Variants in ZNF532 observed in about 807,000 individuals in gnomAD.
ZNF532 encodes zinc finger protein 532.
ZNF532 carries 22 observed loss-of-function variants against 89.3 expected under a neutral mutation model. That is an observed-to-expected ratio of 0.25 (90% CI 0.18 to 0.35). The LOEUF (loss-of-function observed/expected upper bound fraction) is 0.35, where lower values mean the gene tolerates loss of function less well. Ranked by LOEUF, ZNF532 falls within the 10% of genes least tolerant of loss-of-function variation. ZNF532 has a pLI of 1.00. For synonymous variants in ZNF532, 606 were observed against 649.6 expected, an observed-to-expected ratio of 0.93 and a Z score of 1.02; for missense variants, 1,132 against 1,643.4, an observed-to-expected ratio of 0.69 and a Z score of 5.38.
chr18:58,911,303 A>G (rs768221496), intron 2 of ZNF532, among the ~76,000 whole-genome samples: 3 of 152,254 alleles, frequency 2.0e-5, no homozygotes, highest in Non-Finnish European at 4.4e-5. Flanking sequence ...GCCAGCATGA[A>G]GGTACAGGCA....
chr18:58,916,656 A>G, intron 2 of ZNF532: 1 of 969,390 alleles, frequency 1.0e-6, no homozygotes, highest in South Asian at 4.8e-5. Flanking sequence ...TCGAACCCTA[A>G]GTGTTGATTT....
At chr18:58,906,830 G>C (rs1170657641) in intron 2 of ZNF532, among the ~76,000 whole-genome samples, 1 of 152,140 alleles carries the variant, frequency 6.6e-6, no homozygotes, top group Non-Finnish European at 1.5e-5. Context: ...GTAGGAATCT[G>C]GCTGTAAAGA....
chr18:58,920,582 C>T lies in ZNF532; in HGVS notation c.2295C>T (p.Asp765=), dbSNP rs754651963. 61 of 1,606,100 alleles carry T rather than the reference C, an allele frequency of 3.8e-5. No homozygotes were observed. Among genetic ancestry groups the T allele is most frequent in the Middle Eastern group, 1.7e-4 (1 of 6,046 alleles). ...KCLECNEVFQ[D]ETSLATHFQQ... is the part of the protein sequence containing the mutation. ...TGGAGTGTAATGAAGTCTTCCAGGACGAGACATCACTGGCTACACATTTCC... is the reference window on the plus strand; with the variant it reads ...TGGAGTGTAATGAAGTCTTCCAGGATGAGACATCACTGGCTACACATTTCC... Residue 765 remains aspartate (D), a synonymous_variant, in exon 3 of 10, where the codon GAC becomes GAT. Coordinates refer to ENST00000591808, the MANE Select transcript of ZNF532 (RefSeq NM_001375912.1).
intron 7 of ZNF532, among the ~76,000 whole-genome samples, chr18:58,972,919 T>C (rs1024634660): frequency 2.0e-5 from 3 of 152,214 alleles, no homozygotes; most frequent in Non-Finnish European, 4.4e-5. Flanking sequence ...CCACAGTATT[T>C]ACTGTTTTCT....
chr18:58,973,065 T>C (rs1006648266), intron 7 of ZNF532, among the ~76,000 whole-genome samples: 1 of 152,208 alleles, frequency 6.6e-6, no homozygotes, highest in Non-Finnish European at 1.5e-5. Context: ...AGAAAGAGGC[T>C]TACTGTAAGT....
chr18:58,925,556 C>T (rs2061456126), intron 3 of ZNF532, among the ~76,000 whole-genome samples: 2 of 152,158 alleles, frequency 1.3e-5, no homozygotes, highest in South Asian at 4.1e-4. Flanking sequence ...AGTGTTTTCG[C>T]CCAGTCTATA....
chr18:58,905,395 T>C (rs1409334058), intron 2 of ZNF532, among the ~76,000 whole-genome samples: 1 of 142,672 alleles, frequency 7.0e-6, no homozygotes, highest in Non-Finnish European at 1.5e-5. Context: ...CTCCATTTTT[T>C]TTTCTTTCTT....
chr18:58,891,280 A>C (rs963153935), intron 2 of ZNF532, among the ~76,000 whole-genome samples: 6 of 152,216 alleles, frequency 3.9e-5, no homozygotes, highest in Admixed American at 3.9e-4. Flanking sequence ...CTGTAATCCC[A>C]GCACTTTCGG....
At chr18:58,909,512 CAAAAG>C (rs1322072695) in intron 2 of ZNF532, among the ~76,000 whole-genome samples, 4 of 151,974 alleles carry the variant, frequency 2.6e-5, no homozygotes, top group Admixed American at 6.6e-5. Flanking sequence ...AGGTAGATAA[CAAAAG>C]AGAATCTGAA....
At chr18:58,864,521 T>A (rs2056267751), upstream of ZNF532, 1 of 143,610 alleles carries the variant, frequency 7.0e-6, no homozygotes, top group Non-Finnish European at 1.5e-5. Context: ...CTGAGCCAGG[T>A]TGTGGGAGGT....
At chr18:58,880,602 T>C (rs2057800034) in intron 2 of ZNF532, among the ~76,000 whole-genome samples, 1 of 152,234 alleles carries the variant, frequency 6.6e-6, no homozygotes, top group Non-Finnish European at 1.5e-5. Context: ...ATTAGCTCCA[T>C]AAATGCATAG....
chr18:58,974,777 C>G (rs957075865), intron 7 of ZNF532, among the ~76,000 whole-genome samples: 3 of 152,322 alleles, frequency 2.0e-5, no homozygotes, highest in Admixed American at 1.3e-4. Flanking sequence ...CCCTCCTTCC[C>G]CCACTTCACA....
intron 2 of ZNF532, among the ~76,000 whole-genome samples, chr18:58,908,992 C>T (rs1245461421): frequency 6.6e-6 from 1 of 152,070 alleles, no homozygotes; most frequent in African/African-American, 2.4e-5. Flanking sequence ...TCGCTCTTGT[C>T]CCCCAGGCTG....
In ZNF532 at chr18:58,984,505, GAATA is replaced by G; in HGVS notation, c.*42_*45del. On this transcript the variant is annotated 3_prime_UTR_variant, in exon 10 of 10. Coordinates refer to ENST00000591808, the MANE Select transcript of ZNF532 (RefSeq NM_001375912.1). ...ATGAGGAAAATCCCTGTCCACATTG[GAATA>G]AAAAAGACATTTTTGTTACAAAGTT... 6.4e-7 allele frequency: 1 copy of G among 1,570,956 alleles called. No individual in the cohort carries two copies. The highest frequency in any genetic ancestry group is 8.6e-7 in the Non-Finnish European group (1 of 1,161,200).
intron 8 of ZNF532, chr18:58,980,323 G>C (rs554885043): frequency 6.6e-6 from 1 of 152,340 alleles, no homozygotes; most frequent in African/African-American, 2.4e-5. Flanking sequence ...GGCCCATAAT[G>C]CTTCACTGAT....
At chr18:58,954,660 A>G (rs2064564373) in intron 7 of ZNF532, among the ~76,000 whole-genome samples, 1 of 133,324 alleles carries the variant, frequency 7.5e-6, no homozygotes, top group African/African-American at 2.9e-5. Flanking sequence ...GGTAATTGAT[A>G]CTTTTTTTTT....
At chr18:58,882,793 A>C (rs2058026623) in intron 2 of ZNF532, among the ~76,000 whole-genome samples, 1 of 152,194 alleles carries the variant, frequency 6.6e-6, no homozygotes, top group Non-Finnish European at 1.5e-5. Context: ...TGTCCCAGAG[A>C]TATCTCATCC....
In ZNF532 at chr18:58,984,044, C is replaced by T; in HGVS notation, c.3484C>T (p.Pro1162Ser). ...FRPPRGAITQ[P>S]LKKLKINVFK... ...GCCTCCCCGAGGAGCAATCACTCAA[C>T]CACTGAAAAAGCTGAAAATCAATGT... Residue 1162 changes from proline (P) to serine (S), a missense_variant, in exon 10 of 10, where the codon CCA (proline) becomes TCA (serine). This residue lies in a region of ZNF532 where 415 missense variants were observed against 604.8 expected (regional missense o/e 0.69). Coordinates refer to ENST00000591808, the MANE Select transcript of ZNF532 (RefSeq NM_001375912.1). The T allele has an allele frequency of 6.2e-7, 1 of 1,611,898 alleles. No homozygotes were observed. Among genetic ancestry groups the T allele is most frequent in the Non-Finnish European group, 8.5e-7 (1 of 1,179,848 alleles).
At chr18:58,939,246 CAAAAAAAAAAAAAA>C (rs71336307) in intron 4 of ZNF532, among the ~76,000 whole-genome samples, 185 bp from the exon 5 acceptor site, 55 of 34,508 alleles carry the variant, frequency 1.6e-3, no homozygotes, top group Non-Finnish European at 3.0e-3. Context: ...GACGTTGTCT[CAAAAAAAAAAAAAA>C]AAAAAAAAAA....
Sources: gnomAD v4.1 joint callset for allele counts (sites outside exome capture counted in the v4.1 genomes callset) on GRCh38, gnomAD v4.1.1 for gene constraint, gnomAD v4.1.1 regional missense constraint, MANE v1.5 for transcripts, NCBI Gene and HGNC (gene_info 2026-07-23, HGNC 2026-07-21) for gene names.